Variants in C20orf203 observed in about 807,000 individuals in gnomAD.
The protein encoded by C20orf203 is uncharacterized protein C20orf203.
A neutral mutation model predicts 15.9 loss-of-function variants in C20orf203; 16 were observed. That is an observed-to-expected ratio of 1.01 (90% CI 0.68 to 1.53). C20orf203 has a LOEUF of 1.53. C20orf203 is among the 40% of genes most tolerant of loss of function. C20orf203 has a pLI of 0.00. For missense variants in C20orf203, 263 were observed against 247.5 expected (o/e 1.06, Z -0.42); for synonymous variants, 98 against 97.2 (o/e 1.01, Z -0.05).
At chr20:32,646,544 C>T (rs555933619) in intron 4 of C20orf203, among the ~76,000 whole-genome samples, 2 of 152,174 alleles carry the variant, frequency 1.3e-5, no homozygotes, top group South Asian at 4.2e-4. Context: ...GGCTTCCTAG[C>T]AGGTGGTGTC....
chr20:32,651,508 G>A (rs1982629307), intron 2 of C20orf203, among the ~76,000 whole-genome samples: 1 of 152,180 alleles, frequency 6.6e-6, no homozygotes, highest in South Asian at 2.1e-4. Context: ...CAACCAACGT[G>A]ACCTCAGGCA....
At chr20:32,671,840 CAAAAAAAAAAAAA>C (rs869043468) in intron 1 of C20orf203, among the ~76,000 whole-genome samples, 2 of 66,308 alleles carry the variant, frequency 3.0e-5, no homozygotes, top group Admixed American at 4.3e-4. Flanking sequence ...ACTCTGTCTC[CAAAAAAAAAAAAA>C]AAAAAAAAAA....
intron 1 of C20orf203, among the ~76,000 whole-genome samples, chr20:32,666,800 TATATATATATATATA>T (rs1983043528): frequency 1.2e-5 from 1 of 85,354 alleles, no homozygotes; most frequent in Admixed American, 1.0e-4. Context: ...TTTTAATTTA[TATATATATATATATA>T]TATATATATA....
chr20:32,659,445 G>A (rs1258050350), intron 1 of C20orf203, among the ~76,000 whole-genome samples: 2 of 152,218 alleles, frequency 1.3e-5, no homozygotes, highest in Non-Finnish European at 2.9e-5. Flanking sequence ...TGATGTACCT[G>A]ATTCATTTTA....
Position 32,651,145 on chromosome 20 carries a change from G to C in C20orf203, c.8C>G (p.Pro3Arg). 1.7e-6 allele frequency: 1 copy of C among 578,252 alleles called. No individual in the cohort carries two copies. Among genetic ancestry groups the C allele is most frequent in the Non-Finnish European group, 2.7e-6 (1 of 370,634 alleles). 35.8% of individuals were successfully genotyped at this position (578,252 alleles called of 1,614,324 possible). ...AGCCCGGGAGTTCAAGACAGGCCTA[G>C]GAAACATAGGAGACCCTCTCTCTAA... is the stretch of plus-strand genomic sequence containing the variant. MFPRPVLNSRAQA... is the reference protein window; with the variant it reads MFRRPVLNSRAQA... Residue 3 changes from proline (P) to arginine (R), a missense_variant, in exon 3 of 6, where the codon CCT (proline) becomes CGT (arginine). Physicochemically the swap from Pro to Arg is moderately radical, Grantham distance 103. Coordinates refer to ENST00000608990, the MANE Select transcript of C20orf203 (RefSeq NM_182584.4).
rs545194210 is a variant in C20orf203 at position 32,642,000 on chromosome 20, A to T, written c.*1178-1313T>A. On this transcript the variant is annotated intron_variant, in intron 4 of 5. Transcript: ENST00000608990. ...CTACAGGCACCAGGCACACACCACC[A>T]CGCCTAATTTTTGTATTTTTTGTAG... 2.0e-5 allele frequency among the ~76,000 whole-genome samples: 3 copies of T among 151,780 alleles called. No individual in the cohort carries two copies. The South Asian group carries it at 6.3e-4, about 32-fold the overall frequency.
At chr20:32,672,396 T>TATACATAC (rs201516797) in intron 1 of C20orf203, among the ~76,000 whole-genome samples, 2 of 151,808 alleles carry the variant, frequency 1.3e-5, no homozygotes, top group Admixed American at 6.6e-5. Flanking sequence ...ACATATATAT[T>TATACATAC]ATACATACAT....
intron 3 of C20orf203, 45 bp from the exon 4 acceptor site, chr20:32,650,926 C>T: frequency 6.9e-7 from 1 of 1,444,842 alleles, no homozygotes; most frequent in Non-Finnish European, 9.1e-7. Context: ...ATCTTAGTAC[C>T]TGAGACTCGC....
intron 1 of C20orf203, among the ~76,000 whole-genome samples, chr20:32,656,359 C>T (rs1982753595): frequency 6.6e-6 from 1 of 152,124 alleles, no homozygotes; most frequent in Non-Finnish European, 1.5e-5. Context: ...TTTGTACCCA[C>T]TAGGTTAGTT....
chr20:32,637,085 G>A (rs571337834), intron 5 of C20orf203, among the ~76,000 whole-genome samples: 6 of 152,336 alleles, frequency 3.9e-5, no homozygotes, highest in South Asian at 2.1e-4. Flanking sequence ...GCTTGCTGAC[G>A]CTGGCTCACT....
At chr20:32,664,394 C>T (rs1212841770) in intron 1 of C20orf203, among the ~76,000 whole-genome samples, 1 of 152,204 alleles carries the variant, frequency 6.6e-6, no homozygotes, top group African/African-American at 2.4e-5. Context: ...TCCCCGCTTG[C>T]CAGAGCCAGC....
rs1982611508 is a variant in C20orf203, at chr20:32,651,161, C to G, written c.-9G>C. 1 of 470,572 alleles carries G rather than the reference C, an allele frequency of 2.1e-6. No homozygotes were observed. The highest frequency in any genetic ancestry group is 3.4e-6 in the Non-Finnish European group (1 of 291,524). 29.1% of individuals were successfully genotyped at this position (470,572 alleles called of 1,614,324 possible). On this transcript the variant is annotated 5_prime_UTR_variant, in exon 3 of 6. Coordinates refer to ENST00000608990, the MANE Select transcript of C20orf203 (RefSeq NM_182584.4). Reference sequence around the variant, plus strand: ...ACAGGCCTAGGAAACATAGGAGACCCTCTCTCTAAAAAAAAAAAAAAAAAA... The same window carrying G: ...ACAGGCCTAGGAAACATAGGAGACCGTCTCTCTAAAAAAAAAAAAAAAAAA...
intron 5 of C20orf203, among the ~76,000 whole-genome samples, chr20:32,637,147 C>T (rs776331285): frequency 3.3e-5 from 5 of 152,222 alleles, no homozygotes; most frequent in Admixed American, 2.0e-4. Context: ...CAATGGCTCA[C>T]GCCTGTAATC....
chr20:32,644,687 A>G (rs910384857), intron 4 of C20orf203, among the ~76,000 whole-genome samples: 3 of 152,144 alleles, frequency 2.0e-5, no homozygotes, highest in East Asian at 1.9e-4. Flanking sequence ...ACATCCAGCA[A>G]CCAGATTACA....
At chr20:32,658,255 T>C (rs780221331) in intron 1 of C20orf203, among the ~76,000 whole-genome samples, 1 of 152,084 alleles carries the variant, frequency 6.6e-6, no homozygotes, top group Non-Finnish European at 1.5e-5. Context: ...TATGAAAAAA[T>C]CTGTATCTAT....
At chr20:32,663,892 G>A (rs1982957754) in intron 1 of C20orf203, among the ~76,000 whole-genome samples, 1 of 152,246 alleles carries the variant, frequency 6.6e-6, no homozygotes, top group South Asian at 2.1e-4. Flanking sequence ...CCCTCTGGAG[G>A]GTCACTTGTA....
chr20:32,650,980 TCAG>T, intron 3 of C20orf203, 35 bp downstream of exon 3: 1 of 1,449,354 alleles, frequency 6.9e-7, no homozygotes, highest in Non-Finnish European at 9.1e-7. Context: ...GTCCCCAGTG[TCAG>T]CCCAGGTGTG....
At chr20:32,663,678 C>A (rs1233003425) in intron 1 of C20orf203, among the ~76,000 whole-genome samples, 1 of 152,210 alleles carries the variant, frequency 6.6e-6, no homozygotes, top group African/African-American at 2.4e-5. Context: ...ATGAGTTGGG[C>A]TGGGGCTGGA....
intron 1 of C20orf203, among the ~76,000 whole-genome samples, chr20:32,672,573 C>A (rs1301367527): frequency 9.0e-5 from 13 of 144,000 alleles, no homozygotes; most frequent in Non-Finnish European, 1.1e-4. Flanking sequence ...ACAATATCTC[C>A]AAAAAAAAAA....
Sources: gnomAD v4.1 joint callset for allele counts (sites outside exome capture counted in the v4.1 genomes callset) on GRCh38, gnomAD v4.1.1 for gene constraint, MANE v1.5 for transcripts, NCBI Gene and HGNC (gene_info 2026-07-23, HGNC 2026-07-21) for gene names.